Variants in BMPR1A observed in about 807,000 individuals in gnomAD.
BMPR1A encodes the protein bone morphogenetic protein receptor type-1A.
Under a neutral mutation model 66.0 loss-of-function variants are expected in BMPR1A, and 7 were observed. The ratio of observed to expected loss-of-function variants is 0.11; its 90% CI spans 0.06 to 0.20. The LOEUF (loss-of-function observed/expected upper bound fraction) is 0.20, where lower values mean the gene tolerates loss of function less well. Ranked by LOEUF, BMPR1A falls within the 10% of genes least tolerant of loss-of-function variation. The pLI, the probability that BMPR1A is intolerant of heterozygous loss-of-function variation, is 1.00. For missense variants in BMPR1A, 408 were observed against 669.1 expected, an observed-to-expected ratio of 0.61 and a Z score of 4.31; for synonymous variants, 200 against 229.7, an observed-to-expected ratio of 0.87 and a Z score of 1.17.
chr10:86,860,460 C>A (rs1434084409), intron 2 of BMPR1A, among the ~76,000 whole-genome samples: 2 of 151,932 alleles, frequency 1.3e-5, no homozygotes, highest in East Asian at 1.9e-4. Flanking sequence ...CAGAAAGGTA[C>A]CTGGGCTTAA....
intron 2 of BMPR1A, among the ~76,000 whole-genome samples, chr10:86,839,309 C>T (rs932050862): frequency 6.6e-6 from 1 of 152,140 alleles, no homozygotes; most frequent in African/African-American, 2.4e-5. Context: ...CAGAGTTCAG[C>T]ATGCAAGATT....
At chr10:86,804,191 C>A (rs1235501810) in intron 1 of BMPR1A, among the ~76,000 whole-genome samples, 4 of 152,110 alleles carry the variant, frequency 2.6e-5, no homozygotes, top group Non-Finnish European at 4.4e-5. Flanking sequence ...TTAATATATT[C>A]ACAATTGGGA....
chr10:86,797,053 TTTTTC>T (rs1389453895), intron 1 of BMPR1A, among the ~76,000 whole-genome samples: 3 of 140,404 alleles, frequency 2.1e-5, no homozygotes, highest in Admixed American at 7.3e-5. Flanking sequence ...TTTTCCTTTC[TTTTTC>T]TTTTCTTTTC....
intron 2 of BMPR1A, among the ~76,000 whole-genome samples, chr10:86,864,320 T>G (rs893523801): frequency 6.6e-6 from 1 of 152,156 alleles, no homozygotes; most frequent in Non-Finnish European, 1.5e-5. Flanking sequence ...TTCCACTAAT[T>G]CCCTTGATGG....
At position 86,899,816 on chromosome 10, in the gene BMPR1A, G is replaced by A. The variant is rs1554888965; in HGVS notation, c.356G>A (p.Arg119His). Residue 119 changes from arginine (R) to histidine (H), a missense_variant, in exon 6 of 13, where the codon CGC becomes CAC. Coordinates refer to ENST00000372037, the MANE Select transcript of BMPR1A (RefSeq NM_004329.3). Reference protein sequence around the residue: ...QCKDSPKAQLRRTIECCRTNL... With the variant: ...QCKDSPKAQLHRTIECCRTNL... ...TAGGATTCTCCAAAAGCCCAGCTACGCCGGACAATAGAATGTTGTCGGACC... is the reference window on the plus strand; with the variant it reads ...TAGGATTCTCCAAAAGCCCAGCTACACCGGACAATAGAATGTTGTCGGACC... 10 of 1,613,984 alleles carry A rather than the reference G, an allele frequency of 6.2e-6. No homozygotes were observed. Among genetic ancestry groups the A allele is most frequent in the African/African-American group, 1.3e-5 (1 of 75,000 alleles).
rs1418201862 is a variant in BMPR1A at position 86,924,415 on chromosome 10, A to C, written c.*696A>C. ...AAGCCATTTACTTTGCAAGTGAGAT[A>C]GCTTCCCCACCAGCTTTATTTTTTA... On this transcript the variant is annotated 3_prime_UTR_variant, in exon 13 of 13. Transcript: ENST00000372037. The C allele has an allele frequency of 4.3e-6, 1 of 233,726 alleles. No individual in the cohort carries two copies. Among genetic ancestry groups the C allele is most frequent in the African/African-American group, 2.2e-5 (1 of 45,366 alleles). 14.5% of individuals were successfully genotyped at this position (233,726 alleles called of 1,614,324 possible).
chr10:86,824,364 C>T (rs1842164423), intron 1 of BMPR1A, among the ~76,000 whole-genome samples: 1 of 152,138 alleles, frequency 6.6e-6, no homozygotes. Context: ...GCTCATCCTG[C>T]ATCCAGGCCC....
At chr10:86,788,542 A>G (rs778033014) in intron 1 of BMPR1A, among the ~76,000 whole-genome samples, 2 of 152,208 alleles carry the variant, frequency 1.3e-5, no homozygotes, top group South Asian at 2.1e-4. Flanking sequence ...CAATTTCCAA[A>G]TCCTAAACTT....
At chr10:86,819,282 A>G (rs1057021329) in intron 1 of BMPR1A, among the ~76,000 whole-genome samples, 6 of 152,108 alleles carry the variant, frequency 3.9e-5, no homozygotes, top group African/African-American at 1.2e-4. Context: ...AAAACTTTTC[A>G]ATTATACAGA....
chr10:86,804,917 A>G (rs1392458696), intron 1 of BMPR1A, among the ~76,000 whole-genome samples: 1 of 151,452 alleles, frequency 6.6e-6, no homozygotes, highest in Non-Finnish European at 1.5e-5. Context: ...GATCCAAAAT[A>G]GGAGTGTCCG....
chr10:86,850,290 C>T (rs915435915), intron 2 of BMPR1A, among the ~76,000 whole-genome samples: 1 of 150,746 alleles, frequency 6.6e-6, no homozygotes, highest in Non-Finnish European at 1.5e-5. Context: ...CACCGCACTC[C>T]AGCCTGGGTG....
intron 3 of BMPR1A, among the ~76,000 whole-genome samples, chr10:86,883,753 G>A (rs2079324689): frequency 6.6e-6 from 1 of 151,930 alleles, no homozygotes; most frequent in African/African-American, 2.4e-5. Context: ...CTGGGCAACA[G>A]AGTGAGACTC....
intron 7 of BMPR1A, among the ~76,000 whole-genome samples, chr10:86,902,888 C>T (rs1027880069): frequency 6.6e-5 from 10 of 152,086 alleles, no homozygotes; most frequent in Non-Finnish European, 1.2e-4. Context: ...TCACACAAGG[C>T]TGGGAGTAGG....
chr10:86,771,132 T>G (rs1841252817), intron 1 of BMPR1A, among the ~76,000 whole-genome samples: 1 of 152,230 alleles, frequency 6.6e-6, no homozygotes, highest in Non-Finnish European at 1.5e-5. Flanking sequence ...GTATATTATA[T>G]GATAACCCTT....
intron 2 of BMPR1A, among the ~76,000 whole-genome samples, chr10:86,868,778 G>GTTTTGTTTTTTT (rs1842816525): frequency 7.1e-6 from 1 of 141,046 alleles, no homozygotes; most frequent in African/African-American, 2.6e-5. Context: ...CTTTTCCTGT[G>GTTTTGTTTTTTT]TTTTTTTTTT....
intron 1 of BMPR1A, among the ~76,000 whole-genome samples, chr10:86,804,262 AC>A (rs1841853516): frequency 6.6e-6 from 1 of 152,136 alleles, no homozygotes; most frequent in Non-Finnish European, 1.5e-5. Flanking sequence ...TTATTTTGAG[AC>A]AGAGTCTTGT....
chr10:86,918,894 G>T (rs1400287646), intron 9 of BMPR1A, among the ~76,000 whole-genome samples: 1 of 152,010 alleles, frequency 6.6e-6, no homozygotes, highest in Admixed American at 6.5e-5. Flanking sequence ...AAGTGATACA[G>T]GTGTGAGCCA....
intron 1 of BMPR1A, among the ~76,000 whole-genome samples, chr10:86,802,371 A>G (rs1422429656): frequency 6.6e-6 from 1 of 152,210 alleles, no homozygotes; most frequent in Non-Finnish European, 1.5e-5. Context: ...ATGAAAGGAT[A>G]AAAAATAGGA....
chr10:86,923,351 C>T (rs778064318), intron 11 of BMPR1A, 25 bp from the exon 12 acceptor site: 2 of 1,613,584 alleles, frequency 1.2e-6, no homozygotes, highest in African/African-American at 2.7e-5. Flanking sequence ...CATTTTTGTG[C>T]CCATGTTTTC....
Sources: allele counts gnomAD v4.1 joint callset (sites outside exome capture counted in the v4.1 genomes callset), GRCh38; gene constraint gnomAD v4.1.1; transcripts MANE v1.5; gene names NCBI Gene and HGNC (gene_info 2026-07-23, HGNC 2026-07-21).